Variants in BCL9 observed in about 807,000 individuals in gnomAD.
The protein encoded by BCL9 is B-cell CLL/lymphoma 9 protein.
In BCL9, 25 loss-of-function variants were observed where a neutral mutation model predicts 88.5. The ratio of observed to expected loss-of-function variants is 0.28; its 90% CI spans 0.21 to 0.39. The LOEUF (loss-of-function observed/expected upper bound fraction) is 0.39, where lower values mean the gene tolerates loss of function less well. BCL9 is among the 10% of genes least tolerant of loss of function. The pLI, the probability that BCL9 is intolerant of heterozygous loss-of-function variation, is 1.00. For missense variants in BCL9, 1,817 were observed against 1,877.8 expected, an observed-to-expected ratio of 0.97 and a Z score of 0.60; for synonymous variants, 711 against 673.3, an observed-to-expected ratio of 1.06 and a Z score of -0.87.
At chr1:147,548,546 A>G (rs1203570629) in intron 1 of BCL9, among the ~76,000 whole-genome samples, 1 of 152,138 alleles carries the variant, frequency 6.6e-6, no homozygotes, top group Non-Finnish European at 1.5e-5. Context: ...GGCTCTTATC[A>G]TACTGCACTA....
chr1:147,620,486 T>C lies in BCL9; in HGVS notation c.2331T>C (p.Tyr777=), dbSNP rs1553205051. 1 of 1,614,016 alleles carries C rather than the reference T, an allele frequency of 6.2e-7. No individual in the cohort carries two copies. The highest frequency in any genetic ancestry group is 2.2e-5 in the East Asian group (1 of 44,886). The change falls in exon 8 of 10, where the codon TAT becomes TAC. Residue 777 remains tyrosine (Y), a synonymous_variant. Transcript: ENST00000234739. ...TTGGTGAGCACCCCCAGCAGGAGTA[T>C]GGCATGGGCCCCAGACCATTCCTTC... ...LPFGEHPQQE[Y]GMGPRPFLPM... is the part of the protein sequence containing the mutation.
At chr1:147,588,744 G>A (rs1164804428) in intron 1 of BCL9, among the ~76,000 whole-genome samples, 2 of 152,136 alleles carry the variant, frequency 1.3e-5, no homozygotes, top group Non-Finnish European at 2.9e-5. Flanking sequence ...TTCTAGGGGT[G>A]GTCCAGCATC....
chr1:147,597,192 T>C (rs1195680627), intron 1 of BCL9, among the ~76,000 whole-genome samples: 2 of 152,182 alleles, frequency 1.3e-5, no homozygotes, highest in African/African-American at 2.4e-5. Flanking sequence ...AATCCTAAAA[T>C]TTAGGTTTAA....
Position 147,619,498 on chromosome 1 carries a change from C to T in BCL9, c.1343C>T (p.Pro448Leu), listed in dbSNP as rs1447975011. The change falls in exon 8 of 10, where the codon CCT (proline) becomes CTT (leucine). Residue 448 changes from proline to leucine, a missense_variant. Pro to Leu is a moderately conservative substitution (Grantham distance 98, BLOSUM62 -3). Transcript: ENST00000234739. The surrounding 1 kb of genome is among the most constrained non-coding windows in gnomAD (Gnocchi z 4.1). ...VPFSPDEMVP[P>L]SMNSQSGTIG... ...TTTTCTCCAGATGAAATGGTTCCAC[C>T]TTCTATGAACTCCCAGTCTGGGACC... 1.2e-6 allele frequency: 2 copies of T among 1,614,090 alleles called. No homozygotes were observed. The highest frequency in any genetic ancestry group is 1.7e-5 in the Admixed American group (1 of 60,022).
chr1:147,605,791 G>A (rs782629918), intron 2 of BCL9, among the ~76,000 whole-genome samples: 5 of 152,174 alleles, frequency 3.3e-5, no homozygotes, highest in Non-Finnish European at 5.9e-5. Context: ...AGGCTTTTTA[G>A]TTCCACATTC....
rs192944646 is a variant in BCL9 at position 147,598,206 on chromosome 1, T to A, written c.-477-6571T>A. ...TTCCTCCTGCCTTCTTTTACAGGGG[T>A]TCTTAGCTATGTTACATCAAATATT... On this transcript the variant is annotated intron_variant, in intron 1 of 9. Coordinates refer to ENST00000234739, the MANE Select transcript of BCL9 (RefSeq NM_004326.4). Among the ~76,000 whole-genome samples the A allele has an allele frequency of 2.0e-5, 3 of 152,302 alleles. No individual in the cohort carries two copies. The East Asian group carries it at 5.8e-4, about 29-fold the overall frequency.
At chr1:147,548,479 G>T (rs1355453488) in intron 1 of BCL9, among the ~76,000 whole-genome samples, 13 of 152,110 alleles carry the variant, frequency 8.5e-5, no homozygotes, top group Admixed American at 8.5e-4. Flanking sequence ...AAGTTTCCTG[G>T]ACCCAAACCA....
chr1:147,598,108 T>A lies in BCL9; in HGVS notation c.-477-6669T>A, dbSNP rs187547978. Among the ~76,000 whole-genome samples the A allele has an allele frequency of 6.7e-4, 102 of 152,318 alleles. 3 individuals are homozygous for A. Among genetic ancestry groups the A allele is most frequent in the Admixed American group, 6.1e-3 (94 of 15,304 alleles). On this transcript the variant is annotated intron_variant, in intron 1 of 9. Transcript: ENST00000234739. The stretch of plus-strand genomic sequence containing the variant: ...CCACCTACATTAGCAATCCCAAATG[T>A]TTCTTGCATATTGCTGATTTGGTTG...
chr1:147,543,827 G>A (rs1256448871), intron 1 of BCL9, among the ~76,000 whole-genome samples: 1 of 152,000 alleles, frequency 6.6e-6, no homozygotes, highest in African/African-American at 2.4e-5. Flanking sequence ...TCTTCATGCC[G>A]GGTACCCTTA....
chr1:147,603,279 G>C (rs1188534136), intron 1 of BCL9, among the ~76,000 whole-genome samples: 3 of 152,174 alleles, frequency 2.0e-5, no homozygotes, highest in African/African-American at 7.2e-5. Flanking sequence ...GACAGTAATA[G>C]TGATGACAAT....
At chr1:147,616,636 G>T (rs951918762) in intron 7 of BCL9, among the ~76,000 whole-genome samples, 1 of 152,064 alleles carries the variant, frequency 6.6e-6, no homozygotes, top group Admixed American at 6.6e-5. Flanking sequence ...GCATGCTGGC[G>T]GGTGCCTGTA....
chr1:147,547,270 G>A (rs1440703573), intron 1 of BCL9, among the ~76,000 whole-genome samples: 1 of 152,128 alleles, frequency 6.6e-6, no homozygotes, highest in Non-Finnish European at 1.5e-5. Context: ...ATGTGATTGA[G>A]GGTGAGACAG....
chr1:147,607,426 G>T (rs1657774752), intron 3 of BCL9, among the ~76,000 whole-genome samples: 1 of 152,158 alleles, frequency 6.6e-6, no homozygotes, highest in African/African-American at 2.4e-5. Flanking sequence ...GTCAGTTGTG[G>T]TCCCTACCTT....
chr1:147,603,678 A>T (rs1026992472), intron 1 of BCL9, among the ~76,000 whole-genome samples: 3 of 148,722 alleles, frequency 2.0e-5, no homozygotes, highest in Non-Finnish European at 4.5e-5. Flanking sequence ...ATTTTTGTAA[A>T]TTTTTTTTTT....
rs782761757 is a variant in BCL9, at chr1:147,620,789, G to C, written c.2634G>C (p.Ser878=). Residue 878 remains serine (S), a synonymous_variant, in exon 8 of 10, where the codon TCG becomes TCC. Coordinates refer to ENST00000234739, the MANE Select transcript of BCL9 (RefSeq NM_004326.4). ...MHQVQSPMLG[S]PSGNLKSPQT... ...AAGTCCAGTCACCAATGCTGGGCTC[G>C]CCCTCGGGGAACCTCAAGTCCCCCC... The C allele has an allele frequency of 2.5e-6, 4 of 1,613,940 alleles. No homozygotes were observed. Among genetic ancestry groups the C allele is most frequent in the Non-Finnish European group, 3.4e-6 (4 of 1,180,022 alleles).
At position 147,590,503 on chromosome 1, in the gene BCL9, C is replaced by T. The variant is rs587598783; in HGVS notation, c.-477-14274C>T. Among the ~76,000 whole-genome samples, 15 of 152,260 alleles carry T rather than the reference C, an allele frequency of 9.9e-5. No individual in the cohort carries two copies. The East Asian group carries it at 1.3e-3, about 14-fold the overall frequency. ...CTTCTGCCTGTTGTAGCTCTTTCTT[C>T]AAATCTTCCTTCCTGTAGCTGCAGA... On this transcript the variant is annotated intron_variant, in intron 1 of 9. Coordinates refer to ENST00000234739, the MANE Select transcript of BCL9 (RefSeq NM_004326.4).
At chr1:147,546,944 G>A (rs80296981) in intron 1 of BCL9, among the ~76,000 whole-genome samples, 2,384 of 152,176 alleles carry the variant, frequency 0.016, 59 homozygotes, top group African/African-American at 0.054. Flanking sequence ...TAAAATGGAC[G>A]GGCACTGGGT....
intron 1 of BCL9, among the ~76,000 whole-genome samples, chr1:147,559,921 CAG>C (rs1655298745): frequency 6.6e-6 from 1 of 152,180 alleles, no homozygotes. Flanking sequence ...CCAGAGAAAA[CAG>C]AGACTTTCAG....
intron 1 of BCL9, among the ~76,000 whole-genome samples, chr1:147,580,239 C>A (rs1391655298): frequency 6.6e-6 from 1 of 152,054 alleles, no homozygotes; most frequent in Non-Finnish European, 1.5e-5. Flanking sequence ...AGAAGCTTTC[C>A]TTGGATGAAG....
Sources: allele counts gnomAD v4.1 joint callset (sites outside exome capture counted in the v4.1 genomes callset), GRCh38; gene constraint gnomAD v4.1.1; non-coding constraint Gnocchi (gnomAD v3.1); transcripts MANE v1.5; gene names NCBI Gene and HGNC (gene_info 2026-07-23, HGNC 2026-07-21).